The following GABBR1 variants were observed in gnomAD, a reference collection of about 807,000 sequenced individuals.
GABBR1 encodes the protein gamma-aminobutyric acid type B receptor subunit 1.
In GABBR1, 35 loss-of-function variants were observed where a neutral mutation model predicts 117.7. The ratio of observed to expected loss-of-function variants is 0.30; its 90% CI spans 0.23 to 0.39. The LOEUF (loss-of-function observed/expected upper bound fraction) is 0.39. GABBR1 is among the 10% of genes least tolerant of loss of function. GABBR1 has a pLI of 1.00. For synonymous variants in GABBR1, 442 were observed against 486.6 expected (o/e 0.91, Z 1.21); for missense variants, 709 against 1,241.8 (o/e 0.57, Z 6.45).
At position 29,630,173 on chromosome 6, in the gene GABBR1, G is replaced by A; in HGVS notation, c.475+285C>T. On this transcript the variant is annotated intron_variant, in intron 4 of 22. Transcript: ENST00000377034. The surrounding 1 kb of genome is among the most constrained non-coding windows in gnomAD (Gnocchi z 4.9). ...TAAACCTGAAGAAGGTGAGAGAGGT[G>A]AGATTCATAAAGGAAAAGAGAAAAC... 2.5e-6 allele frequency: 1 copy of A among 396,874 alleles called. No homozygotes were observed. The highest frequency in any genetic ancestry group is 4.0e-5 in the Admixed American group (1 of 25,316). 24.6% of individuals were successfully genotyped at this position (396,874 alleles called of 1,614,324 possible).
rs1761950881 is a variant in GABBR1 at position 29,606,337 on chromosome 6, C to T, written c.2311+54G>A. On this transcript the variant is annotated intron_variant, in intron 19 of 22. Coordinates refer to ENST00000377034, the MANE Select transcript of GABBR1 (RefSeq NM_001470.4). This position sits in a 1 kb window ranked among gnomAD's most constrained non-coding sequence, Gnocchi z 4.5. ...TCTCCCTCCAAGCCCTCTACCCCTG[C>T]CTTCCCTCCTGCCTTTGTGCATCCC... 7.6e-7 allele frequency: 1 copy of T among 1,319,826 alleles called. No individual in the cohort carries two copies. Among genetic ancestry groups the T allele is most frequent in the South Asian group, 1.2e-5 (1 of 85,220 alleles). The allele number at this position is 1,319,826 out of a possible 1,614,324, so 81.8% of individuals were successfully genotyped here. A position where few individuals can be genotyped will look rare whatever the true frequency, so the allele number is the denominator to read the frequency against.
In GABBR1 at chr6:29,627,544, T is replaced by C; in HGVS notation, c.599A>G (p.Asn200Ser). The C allele has an allele frequency of 1.3e-6, 2 of 1,596,706 alleles. No homozygotes were observed. Among genetic ancestry groups the C allele is most frequent in the Non-Finnish European group, 1.7e-6 (2 of 1,172,126 alleles). Reference sequence around the variant, plus strand: ...GTCCGGCAGGATGTCCCTGCGGCTATTCACGTCCTCCAGCGCCATCTCCAC... The same window carrying C: ...GTCCGGCAGGATGTCCCTGCGGCTACTCACGTCCTCCAGCGCCATCTCCAC... Reference protein sequence around the residue: ...PAVEMALEDVNSRRDILPDYE... With the variant: ...PAVEMALEDVSSRRDILPDYE... Residue 200 changes from asparagine (N) to serine (S), a missense_variant, in exon 6 of 23, where the codon AAT (asparagine) becomes AGT (serine). Asn to Ser is a conservative substitution (Grantham distance 46). Transcript: ENST00000377034. The surrounding 1 kb of genome is among the most constrained non-coding windows in gnomAD (Gnocchi z 4.4).
At chr6:29,624,150 G>A (rs535986797) in intron 6 of GABBR1, 126 bp from the exon 7 acceptor site, 8 of 963,316 alleles carry the variant, frequency 8.3e-6, no homozygotes, top group Admixed American at 6.1e-5. Flanking sequence ...ATTAATTACC[G>A]TTTTCTTCTC....
chr6:29,631,433 G>C lies in GABBR1; in HGVS notation c.252C>G (p.Asn84Lys). Reference sequence around the variant, plus strand: ...GTGTGTCCATATCTGTCCAGGAGCCGTTGGCCAGGCACTTGCGGACCTTGG... The same window carrying C: ...GTGTGTCCATATCTGTCCAGGAGCCCTTGGCCAGGCACTTGCGGACCTTGG... Reference protein sequence around the residue: ...VGPKVRKCLANGSWTDMDTPS... With the variant: ...VGPKVRKCLAKGSWTDMDTPS... Residue 84 changes from asparagine (N) to lysine (K), a missense_variant, in exon 3 of 23, where the codon AAC becomes AAG. This residue lies in a region of GABBR1 where 101 missense variants were observed against 132.3 expected (regional missense o/e 0.76). Transcript: ENST00000377034. This position sits in a 1 kb window ranked among gnomAD's most constrained non-coding sequence, Gnocchi z 5.9. 1 of 1,614,112 alleles carries C rather than the reference G, an allele frequency of 6.2e-7. No homozygotes were observed. The highest frequency in any genetic ancestry group is 1.1e-5 in the South Asian group (1 of 91,088).
At position 29,621,126 on chromosome 6, in the gene GABBR1, G is replaced by A; in HGVS notation, c.1298C>T (p.Ala433Val). 6.2e-7 allele frequency: 1 copy of A among 1,612,810 alleles called. No individual in the cohort carries two copies. The highest frequency in any genetic ancestry group is 1.3e-5 in the African/African-American group (1 of 75,014). Reference protein sequence around the residue: ...ITTEIVMLNPANTRSISNMTS... With the variant: ...ITTEIVMLNPVNTRSISNMTS... ...CATGTTGGAAATGCTGCGGGTATTG[G>A]CAGGATTCAGCATGACAATCTCAGT... is the stretch of plus-strand genomic sequence containing the variant. Residue 433 changes from alanine (A) to valine (V), a missense_variant, in exon 11 of 23, where the codon GCC becomes GTC. Physicochemically the swap from Ala to Val is moderately conservative, Grantham distance 64. This residue lies in a region of GABBR1 where 192 missense variants were observed against 418.4 expected (regional missense o/e 0.46). Transcript: ENST00000377034. The surrounding 1 kb of genome is among the most constrained non-coding windows in gnomAD (Gnocchi z 5.0).
Position 29,606,001 on chromosome 6 carries a change from C to T in GABBR1, c.2312-305G>A. 1.9e-6 allele frequency: 1 copy of T among 535,836 alleles called. No homozygotes were observed. Among genetic ancestry groups the T allele is most frequent in the Non-Finnish European group, 3.3e-6 (1 of 300,464 alleles). 33.2% of individuals were successfully genotyped at this position (535,836 alleles called of 1,614,324 possible). On this transcript the variant is annotated intron_variant, in intron 19 of 22. Coordinates refer to ENST00000377034, the MANE Select transcript of GABBR1 (RefSeq NM_001470.4). This position sits in a 1 kb window ranked among gnomAD's most constrained non-coding sequence, Gnocchi z 4.5. ...CCAGTCTGGGCCACACATGCCTCAC[C>T]CTTACCCTACAGGTGGGAAGGTGGC...
Position 29,604,381 on chromosome 6 carries a change from C to T in GABBR1, c.2712+113G>A. ...AGGTTGTCTCCTAGGACCCTCCCTC[C>T]ATGAGCCAAGAACATCTGACCCTGT... On this transcript the variant is annotated intron_variant, in intron 22 of 22. Coordinates refer to ENST00000377034, the MANE Select transcript of GABBR1 (RefSeq NM_001470.4). The surrounding 1 kb of genome is among the most constrained non-coding windows in gnomAD (Gnocchi z 5.3). 1 of 1,351,282 alleles carries T rather than the reference C, an allele frequency of 7.4e-7. No homozygotes were observed. Among genetic ancestry groups the T allele is most frequent in the Non-Finnish European group, 1.0e-6 (1 of 952,738 alleles). 83.7% of individuals were successfully genotyped at this position (1,351,282 alleles called of 1,614,324 possible).
rs1340368614 is a variant in GABBR1, at chr6:29,630,276, G to A, written c.475+182C>T. On this transcript the variant is annotated intron_variant, in intron 4 of 22. Coordinates refer to ENST00000377034, the MANE Select transcript of GABBR1 (RefSeq NM_001470.4). This position sits in a 1 kb window ranked among gnomAD's most constrained non-coding sequence, Gnocchi z 4.9. The stretch of plus-strand genomic sequence containing the variant: ...AAGCCCCCAACCTACAGAGGATACC[G>A]GGGACTGCAAGAGGAAGTTTGAGGC... 1.8e-6 allele frequency: 1 copy of A among 567,852 alleles called. No homozygotes were observed. The allele number at this position is 567,852 out of a possible 1,614,324, so 35.2% of individuals were successfully genotyped here.
Position 29,622,022 on chromosome 6 carries a change from G to A in GABBR1, c.1065+82C>T, listed in dbSNP as rs55843444. 6,055 of 1,288,116 alleles carry A rather than the reference G, an allele frequency of 4.7e-3. 26 individuals carry two copies. Among genetic ancestry groups the A allele is most frequent in the Middle Eastern group, 0.01 (40 of 3,900 alleles). 79.8% of individuals were successfully genotyped at this position (1,288,116 alleles called of 1,614,324 possible). ...CCTCAGAGAATCAAAACCTGCCCCC[G>A]CCTGGCTTTCCTCTCCAACCAGTCA... On this transcript the variant is annotated intron_variant, in intron 9 of 22. Coordinates refer to ENST00000377034, the MANE Select transcript of GABBR1 (RefSeq NM_001470.4). The surrounding 1 kb of genome is among the most constrained non-coding windows in gnomAD (Gnocchi z 4.6).
chr6:29,632,705 T>G lies in GABBR1; in HGVS notation c.-1+145A>C, dbSNP rs1350719455. ...ACCCACGCTCCCGGCATCGGCCGCC[T>G]CAGCGCTCCCCGATTCCATCCCCGC... On this transcript the variant is annotated intron_variant, in intron 1 of 22. Transcript: ENST00000377034. This position sits in a 1 kb window ranked among gnomAD's most constrained non-coding sequence, Gnocchi z 5.8. The G allele has an allele frequency of 6.7e-6, 9 of 1,340,098 alleles. No individual in the cohort carries two copies. The highest frequency in any genetic ancestry group is 6.7e-6 in the Non-Finnish European group (7 of 1,040,836). The allele number at this position is 1,340,098 out of a possible 1,614,324, so 83.0% of individuals were successfully genotyped here.
Position 29,609,422 on chromosome 6 carries a change from G to C in GABBR1, c.1709-43C>G. The C allele has an allele frequency of 6.3e-7, 1 of 1,577,558 alleles. No individual in the cohort carries two copies. The highest frequency in any genetic ancestry group is 8.7e-7 in the Non-Finnish European group (1 of 1,149,250). On this transcript the variant is annotated intron_variant, in intron 14 of 22. Coordinates refer to ENST00000377034, the MANE Select transcript of GABBR1 (RefSeq NM_001470.4). The surrounding 1 kb of genome is among the most constrained non-coding windows in gnomAD (Gnocchi z 4.3). ...GGAAGAGGGGAAGGGAAAAGAGAAGGGAAGGAGGACAAAGGAATGAAGACG... is the reference window on the plus strand; with the variant it reads ...GGAAGAGGGGAAGGGAAAAGAGAAGCGAAGGAGGACAAAGGAATGAAGACG...
At chr6:29,610,693 G>A (rs1344026151) in intron 14 of GABBR1, among the ~76,000 whole-genome samples, 1 of 151,342 alleles carries the variant, frequency 6.6e-6, no homozygotes, top group Non-Finnish European at 1.5e-5. Context: ...CCCCAGCAAT[G>A]CACCATTAAA....
At position 29,621,410 on chromosome 6, in the gene GABBR1, G is replaced by A; in HGVS notation, c.1132-118C>T. On this transcript the variant is annotated intron_variant, in intron 10 of 22. Transcript: ENST00000377034. This position sits in a 1 kb window ranked among gnomAD's most constrained non-coding sequence, Gnocchi z 5.0. ...GGGAAGAGCAGTAGAACTAAAAAGA[G>A]AAATCTACAAGTCTTGGGGATAGTA... 1.3e-6 allele frequency: 1 copy of A among 790,594 alleles called. No individual in the cohort carries two copies. The highest frequency in any genetic ancestry group is 2.0e-6 in the Non-Finnish European group (1 of 498,748). The allele number at this position is 790,594 out of a possible 1,614,324, so 49.0% of individuals were successfully genotyped here. A position where few individuals can be genotyped will look rare whatever the true frequency, so the allele number is the denominator to read the frequency against.
At position 29,604,062 on chromosome 6, in the gene GABBR1, G is replaced by C. The variant is rs900709671; in HGVS notation, c.2713-346C>G. On this transcript the variant is annotated intron_variant, in intron 22 of 22. Transcript: ENST00000377034. This position sits in a 1 kb window ranked among gnomAD's most constrained non-coding sequence, Gnocchi z 5.3. Reference sequence around the variant, plus strand: ...TTGGAACATCCCTCTCTTTGGCATTGCACCAGCCCCTAATGACAGCCTGGG... The same window carrying C: ...TTGGAACATCCCTCTCTTTGGCATTCCACCAGCCCCTAATGACAGCCTGGG... 6.6e-6 allele frequency among the ~76,000 whole-genome samples: 1 copy of C among 152,046 alleles called. No individual in the cohort carries two copies. The highest frequency in any genetic ancestry group is 1.5e-5 in the Non-Finnish European group (1 of 67,982).
In GABBR1 at chr6:29,605,015, T is replaced by A; in HGVS notation, c.2440-27A>T. ...TAGAGGGAAAGACACATTGAGGGAG[T>A]CTCAGGTCTGCAGGCTCAGACAAGA... On this transcript the variant is annotated intron_variant, in intron 20 of 22. Transcript: ENST00000377034. This position sits in a 1 kb window ranked among gnomAD's most constrained non-coding sequence, Gnocchi z 4.2. 1 of 1,590,068 alleles carries A rather than the reference T, an allele frequency of 6.3e-7. No individual in the cohort carries two copies. The highest frequency in any genetic ancestry group is 8.6e-7 in the Non-Finnish European group (1 of 1,169,494).
chr6:29,627,759 C>G lies in GABBR1; in HGVS notation c.497-113G>C. 6.7e-7 allele frequency: 1 copy of G among 1,482,950 alleles called. No homozygotes were observed. The highest frequency in any genetic ancestry group is 8.9e-7 in the Non-Finnish European group (1 of 1,122,042). 91.9% of individuals were successfully genotyped at this position (1,482,950 alleles called of 1,614,324 possible). Reference sequence around the variant, plus strand: ...TCACAACCAGAAGCGGCAGTGGCCACCCCACCCGGGCAAAAGGGGCCCCGG... The same window carrying G: ...TCACAACCAGAAGCGGCAGTGGCCAGCCCACCCGGGCAAAAGGGGCCCCGG... On this transcript the variant is annotated intron_variant, in intron 5 of 22. Transcript: ENST00000377034. This position sits in a 1 kb window ranked among gnomAD's most constrained non-coding sequence, Gnocchi z 4.4.
chr6:29,618,502 A>G (rs753996306), intron 11 of GABBR1, among the ~76,000 whole-genome samples: 1 of 152,112 alleles, frequency 6.6e-6, no homozygotes, highest in Non-Finnish European at 1.5e-5. Context: ...ATTTATACCT[A>G]ATTTTTTTAA....
chr6:29,627,431 TG>T lies in GABBR1; in HGVS notation c.657+54del. On this transcript the variant is annotated intron_variant, in intron 6 of 22. Transcript: ENST00000377034. The surrounding 1 kb of genome is among the most constrained non-coding windows in gnomAD (Gnocchi z 4.4). ...ACAGATGGGGGCGCGTGCAGCTGGCTGGCCCCCTGCCCCGCAAGCCCCCACC... is the reference window on the plus strand; with the variant it reads ...ACAGATGGGGGCGCGTGCAGCTGGCTGCCCCCTGCCCCGCAAGCCCCCACC... 1.3e-6 allele frequency: 2 copies of T among 1,505,164 alleles called. No individual in the cohort carries two copies. Among genetic ancestry groups the T allele is most frequent in the Non-Finnish European group, 9.0e-7 (1 of 1,112,044 alleles). The allele number at this position is 1,505,164 out of a possible 1,614,324, so 93.2% of individuals were successfully genotyped here.
rs1765069670 is a variant in GABBR1 at position 29,632,270 on chromosome 6, G to A, written c.85+31C>T. 1 of 1,293,154 alleles carries A rather than the reference G, an allele frequency of 7.7e-7. No individual in the cohort carries two copies. Among genetic ancestry groups the A allele is most frequent in the Non-Finnish European group, 1.0e-6 (1 of 981,722 alleles). 80.1% of individuals were successfully genotyped at this position (1,293,154 alleles called of 1,614,324 possible). A position where few individuals can be genotyped will look rare whatever the true frequency, so the allele number is the denominator to read the frequency against. ...GCAGGGAAAGGGAAGTGGAGCGAAGGAGGGCCGGAGGTCGTCGAAGAAGGA... is the reference window on the plus strand; with the variant it reads ...GCAGGGAAAGGGAAGTGGAGCGAAGAAGGGCCGGAGGTCGTCGAAGAAGGA... On this transcript the variant is annotated intron_variant, in intron 2 of 22. Coordinates refer to ENST00000377034, the MANE Select transcript of GABBR1 (RefSeq NM_001470.4). This position sits in a 1 kb window ranked among gnomAD's most constrained non-coding sequence, Gnocchi z 5.8.
Sources: allele counts gnomAD v4.1 joint callset (sites outside exome capture counted in the v4.1 genomes callset), GRCh38; gene constraint gnomAD v4.1.1; regional missense constraint gnomAD v4.1.1; non-coding constraint Gnocchi (gnomAD v3.1); transcripts MANE v1.5; gene names NCBI Gene and HGNC (gene_info 2026-07-23, HGNC 2026-07-21).